Variants in CNTN5 observed in about 807,000 individuals in gnomAD.
CNTN5 encodes contactin-5.
In CNTN5, 77 loss-of-function variants were observed where a neutral mutation model predicts 129.1. The observed-to-expected ratio is 0.60, with a 90% CI of 0.50 to 0.72. The LOEUF is 0.72. CNTN5 is among the 30% of genes least tolerant of loss of function. CNTN5 has a pLI of 0.00. For synonymous variants in CNTN5, 509 were observed against 465.6 expected, an observed-to-expected ratio of 1.09 and a Z score of -1.20; for missense variants, 1,478 against 1,328.8, an observed-to-expected ratio of 1.11 and a Z score of -1.75.
intron 3 of CNTN5, among the ~76,000 whole-genome samples, chr11:99,731,404 C>A (rs1245282130): frequency 2.6e-5 from 4 of 152,048 alleles, no homozygotes; most frequent in Admixed American, 6.5e-5. Flanking sequence ...AAAAGAAGCT[C>A]TTTAGTTAAC....
intron 4 of CNTN5, among the ~76,000 whole-genome samples, chr11:99,830,248 GC>G (rs2135601823): frequency 6.6e-6 from 1 of 152,160 alleles, no homozygotes; most frequent in African/African-American, 2.4e-5. Flanking sequence ...ACATAATTTT[GC>G]TCTCTTTAAT....
intron 7 of CNTN5, among the ~76,000 whole-genome samples, chr11:99,937,316 T>A (rs945532444): frequency 6.6e-6 from 1 of 152,206 alleles, no homozygotes; most frequent in African/African-American, 2.4e-5. Context: ...GCCATATAAA[T>A]GCGTTCTCTT....
At chr11:100,189,611 A>C (rs2138495550) in intron 13 of CNTN5, among the ~76,000 whole-genome samples, 1 of 152,292 alleles carries the variant, frequency 6.6e-6, no homozygotes, top group East Asian at 1.9e-4. Flanking sequence ...TTGTTTACAA[A>C]GAGTATAATT....
intron 6 of CNTN5, among the ~76,000 whole-genome samples, chr11:99,895,629 C>T (rs1949185317): frequency 6.6e-6 from 1 of 152,128 alleles, no homozygotes; most frequent in Non-Finnish European, 1.5e-5. Flanking sequence ...GGAAAGCTCC[C>T]TAAGTTGGGA....
At chr11:99,330,616 G>A (rs1865962284) in intron 2 of CNTN5, among the ~76,000 whole-genome samples, 1 of 152,030 alleles carries the variant, frequency 6.6e-6, no homozygotes, top group Admixed American at 6.6e-5. Context: ...CCACTCAATG[G>A]GAGATGTACA....
intron 7 of CNTN5, among the ~76,000 whole-genome samples, chr11:99,944,568 A>G (rs1950514364): frequency 6.6e-6 from 1 of 152,126 alleles, no homozygotes; most frequent in Non-Finnish European, 1.5e-5. Context: ...AGAGAAAGTC[A>G]AATTGTCTCT....
chr11:99,926,551 A>ATAATATGTATGT (rs2136056487), intron 7 of CNTN5, among the ~76,000 whole-genome samples: 2 of 152,292 alleles, frequency 1.3e-5, no homozygotes, highest in East Asian at 3.9e-4. Context: ...TCATAATTTA[A>ATAATATGTATGT]AATGATGTAA....
At chr11:99,752,456 A>T (rs1412529607) in intron 3 of CNTN5, among the ~76,000 whole-genome samples, 2 of 150,498 alleles carry the variant, frequency 1.3e-5, no homozygotes, top group African/African-American at 5.0e-5. Context: ...ATCCAGTGTG[A>T]CTTAAAAAAT....
At chr11:99,359,304 G>A (rs1331212994) in intron 2 of CNTN5, among the ~76,000 whole-genome samples, 1 of 151,982 alleles carries the variant, frequency 6.6e-6, no homozygotes, top group Non-Finnish European at 1.5e-5. Flanking sequence ...AAAAGCATAA[G>A]CTTCCCTCAA....
At chr11:99,308,877 C>A (rs1483337903) in intron 1 of CNTN5, among the ~76,000 whole-genome samples, 1 of 152,012 alleles carries the variant, frequency 6.6e-6, no homozygotes, top group Non-Finnish European at 1.5e-5. Context: ...ATTGACTTGT[C>A]TTCAAATGTA....
intron 8 of CNTN5, among the ~76,000 whole-genome samples, chr11:99,970,618 A>G (rs1017812009): frequency 3.9e-5 from 6 of 152,222 alleles, no homozygotes; most frequent in South Asian, 2.1e-4. Flanking sequence ...AAGGTTAGCT[A>G]TTAACACAGT....
intron 8 of CNTN5, among the ~76,000 whole-genome samples, chr11:99,972,412 T>A (rs1951288807): frequency 1.3e-5 from 2 of 152,218 alleles, no homozygotes; most frequent in South Asian, 4.1e-4. Flanking sequence ...AGAAGCACTT[T>A]GTTTGGAAAT....
At chr11:99,557,794 A>G (rs567548602) in intron 3 of CNTN5, among the ~76,000 whole-genome samples, 1 of 151,844 alleles carries the variant, frequency 6.6e-6, no homozygotes, top group South Asian at 2.1e-4. Context: ...GAATTTCTTT[A>G]TATACAGAAA....
intron 17 of CNTN5, among the ~76,000 whole-genome samples, chr11:100,264,009 A>G (rs1455869580): frequency 1.3e-5 from 2 of 151,892 alleles, no homozygotes. Context: ...TTATGTTCTG[A>G]TTCTCACCTA....
At chr11:99,679,195 G>A (rs915991242) in intron 3 of CNTN5, among the ~76,000 whole-genome samples, 5 of 126,456 alleles carry the variant, frequency 4.0e-5, no homozygotes, top group African/African-American at 1.6e-4. Context: ...TTATATATAG[G>A]GAATATATAT....
At chr11:99,868,075 G>T (rs1948402429) in intron 6 of CNTN5, among the ~76,000 whole-genome samples, 1 of 152,090 alleles carries the variant, frequency 6.6e-6, no homozygotes, top group African/African-American at 2.4e-5. Flanking sequence ...AATTAGCTGG[G>T]CGTGGTGGCA....
intron 1 of CNTN5, among the ~76,000 whole-genome samples, chr11:99,228,524 T>C (rs1252685163): frequency 6.6e-6 from 1 of 152,112 alleles, no homozygotes; most frequent in Admixed American, 6.6e-5. Context: ...ATACTCCAGA[T>C]GATAGATACC....
intron 9 of CNTN5, among the ~76,000 whole-genome samples, chr11:100,039,502 T>C (rs931356649): frequency 2.0e-5 from 3 of 152,286 alleles, no homozygotes; most frequent in African/African-American, 7.2e-5. Context: ...TTTCCTGAAT[T>C]TGAATGTTGG....
chr11:99,545,707 T>C (rs1431140409), intron 2 of CNTN5, among the ~76,000 whole-genome samples: 1 of 152,226 alleles, frequency 6.6e-6, no homozygotes, highest in Non-Finnish European at 1.5e-5. Context: ...ATTCTGCAAA[T>C]TATATGTTGA....
Sources: gnomAD v4.1 joint callset for allele counts (sites outside exome capture counted in the v4.1 genomes callset) on GRCh38, gnomAD v4.1.1 for gene constraint, MANE v1.5 for transcripts, NCBI Gene and HGNC (gene_info 2026-07-23, HGNC 2026-07-21) for gene names.